NAA25: variants seen among roughly 807,000 people sequenced by gnomAD.
NAA25 encodes the protein N-alpha-acetyltransferase 25, NatB auxiliary subunit.
Under a neutral mutation model 132.5 loss-of-function variants are expected in NAA25, and 30 were observed. The observed-to-expected ratio is 0.23, with a 90% CI of 0.17 to 0.31. The LOEUF (loss-of-function observed/expected upper bound fraction) is 0.31, where lower values mean the gene tolerates loss of function less well. NAA25 is among the 10% of genes least tolerant of loss of function. The pLI is 1.00. For missense variants in NAA25, 771 were observed against 1,150.4 expected (o/e 0.67, Z 4.77); for synonymous variants, 359 against 401.9 (o/e 0.89, Z 1.28).
chr12:112,054,297 G>T, intron 14 of NAA25, 91 bp downstream of exon 14: 3 of 1,158,966 alleles, frequency 2.6e-6, no homozygotes, highest in Non-Finnish European at 3.7e-6. Context: ...AAGGCTTAAT[G>T]TCACAATCAA....
At chr12:112,081,237 T>G in intron 4 of NAA25, 103 bp from the exon 5 acceptor site, 1 of 886,042 alleles carries the variant, frequency 1.1e-6, no homozygotes, top group South Asian at 1.5e-5. Flanking sequence ...AGCAATATAT[T>G]TACATATCCC....
intron 13 of NAA25, among the ~76,000 whole-genome samples, chr12:112,057,465 T>G (rs2078564174): frequency 6.6e-6 from 1 of 152,184 alleles, no homozygotes; most frequent in South Asian, 2.1e-4. Flanking sequence ...TAAAATGACT[T>G]TTGCTACCCT....
chr12:112,058,045 G>A (rs984128266), intron 13 of NAA25, among the ~76,000 whole-genome samples: 2 of 152,142 alleles, frequency 1.3e-5, no homozygotes, highest in Non-Finnish European at 2.9e-5. Context: ...TACTCGGGCA[G>A]CTGAGACAGG....
chr12:112,055,234 C>T (rs1290129644), intron 13 of NAA25, among the ~76,000 whole-genome samples: 1 of 152,048 alleles, frequency 6.6e-6, no homozygotes, highest in Non-Finnish European at 1.5e-5. Context: ...GTAACTTCGA[C>T]ACATGGAAAT....
chr12:112,081,034 A>G, intron 5 of NAA25, 26 bp downstream of exon 5: 1 of 1,575,648 alleles, frequency 6.3e-7, no homozygotes, highest in Non-Finnish European at 8.7e-7. Context: ...ACCAAACCTC[A>G]ATCCCATTCT....
chr12:112,087,069 T>C (rs181066515), intron 4 of NAA25, among the ~76,000 whole-genome samples: 20 of 151,288 alleles, frequency 1.3e-4, no homozygotes, highest in African/African-American at 3.9e-4. Context: ...GAATTAATAA[T>C]GCTGATTATA....
At chr12:112,106,799 C>T (rs918623252) in intron 1 of NAA25, among the ~76,000 whole-genome samples, 1 of 151,230 alleles carries the variant, frequency 6.6e-6, no homozygotes, top group Non-Finnish European at 1.5e-5. Context: ...ACAATATATA[C>T]AAAAATTAGC....
chr12:112,103,451 G>A (rs1416435244), intron 1 of NAA25, among the ~76,000 whole-genome samples: 1 of 152,208 alleles, frequency 6.6e-6, no homozygotes, highest in Non-Finnish European at 1.5e-5. Context: ...CAATGGTGAT[G>A]GAAGTTCTAG....
intron 15 of NAA25, 70 bp from the exon 16 acceptor site, chr12:112,048,513 C>T (rs2078420696): frequency 7.4e-7 from 1 of 1,358,636 alleles, no homozygotes; most frequent in Non-Finnish European, 1.0e-6. Flanking sequence ...ACCTTGCCAG[C>T]CAAAACAAAA....
intron 1 of NAA25, among the ~76,000 whole-genome samples, chr12:112,106,403 AG>A (rs1345335400): frequency 6.6e-6 from 1 of 151,966 alleles, no homozygotes; most frequent in Non-Finnish European, 1.5e-5. Context: ...AAAAAAAAAA[AG>A]TCTGCAGGCA....
rs1232558434 is a variant in NAA25 at position 112,054,563 on chromosome 12, C to T, written c.1453G>A (p.Glu485Lys). The T allele has an allele frequency of 1.9e-6, 3 of 1,612,978 alleles. No homozygotes were observed. Among genetic ancestry groups the T allele is most frequent in the African/African-American group, 1.3e-5 (1 of 74,876 alleles). Residue 485 changes from glutamate to lysine, a missense_variant, in exon 14 of 24, where the codon GAG becomes AAG. By Grantham distance (56) the Glu-to-Lys change is moderately conservative. Around this residue, in one of 3 missense-constraint regions of NAA25, gnomAD observed 417 missense variants for 733.8 expected, o/e 0.57. Transcript: ENST00000261745. The stretch of plus-strand genomic sequence containing the variant: ...GTCAGGGCCTGCCACACAGTGGTCT[C>T]ATCACCTAGAACCAAAATACAGCAT... ...LIDVWRETGD[E>K]TTVWQALTLL...
At chr12:112,092,931 CT>C (rs2079157570) in intron 2 of NAA25, 119 bp downstream of exon 2, 1 of 588,394 alleles carries the variant, frequency 1.7e-6, no homozygotes, top group Admixed American at 3.3e-5. Context: ...TTGCCTCGGC[CT>C]CCCAAAGTAC....
At chr12:112,104,618 C>G (rs2079336408) in intron 1 of NAA25, among the ~76,000 whole-genome samples, 1 of 151,952 alleles carries the variant, frequency 6.6e-6, no homozygotes, top group Non-Finnish European at 1.5e-5. Flanking sequence ...AAGTGGACCA[C>G]ATGATCAGAA....
At chr12:112,083,686 A>G (rs2079004321) in intron 4 of NAA25, among the ~76,000 whole-genome samples, 1 of 152,144 alleles carries the variant, frequency 6.6e-6, no homozygotes. Context: ...AGGAAATTCC[A>G]TTGATCCCTG....
At chr12:112,033,191 T>C in intron 23 of NAA25, 42 bp downstream of exon 23, 2 of 1,555,528 alleles carry the variant, frequency 1.3e-6, no homozygotes, top group African/African-American at 2.7e-5. Flanking sequence ...AGAGTGTTTG[T>C]GTGTGTGTAG....
At chr12:112,053,765 T>A (rs1445939149) in intron 14 of NAA25, 108 bp from the exon 15 acceptor site, 2 of 454,906 alleles carry the variant, frequency 4.4e-6, no homozygotes, top group Non-Finnish European at 7.7e-6. Context: ...TAGCTAGGCA[T>A]AAGAAAACAC....
At chr12:112,100,654 C>G (rs1407142953) in intron 1 of NAA25, among the ~76,000 whole-genome samples, 56 of 111,396 alleles carry the variant, frequency 5.0e-4, no homozygotes, top group African/African-American at 1.9e-3. Flanking sequence ...GAGTCTTGCT[C>G]TGTTGCCCAG....
chr12:112,043,276 TCAGG>T, intron 18 of NAA25, 65 bp from the exon 19 acceptor site: 2 of 1,489,422 alleles, frequency 1.3e-6, no homozygotes, highest in African/African-American at 1.4e-5. Flanking sequence ...AATAAGAAAA[TCAGG>T]TAACTAGTAG....
chr12:112,066,504 G>A (rs893636620), intron 11 of NAA25, among the ~76,000 whole-genome samples: 1 of 113,056 alleles, frequency 8.8e-6, no homozygotes, highest in Non-Finnish European at 1.8e-5. Flanking sequence ...GCTGGTCCCT[G>A]TTTTCCTCCC....
Sources: gnomAD v4.1 joint callset for allele counts (sites outside exome capture counted in the v4.1 genomes callset) on GRCh38, gnomAD v4.1.1 for gene constraint, gnomAD v4.1.1 regional missense constraint, MANE v1.5 for transcripts, NCBI Gene and HGNC (gene_info 2026-07-23, HGNC 2026-07-21) for gene names.